The following WASHC4 variants were observed in gnomAD, a reference collection of about 807,000 sequenced individuals.
WASHC4 encodes the protein WASH complex subunit 7.
A neutral mutation model predicts 166.6 loss-of-function variants in WASHC4; 86 were observed. The ratio of observed to expected loss-of-function variants is 0.52; its 90% confidence interval spans 0.43 to 0.62. The LOEUF (loss-of-function observed/expected upper bound fraction) is 0.62, where lower values mean the gene tolerates loss of function less well. Ranked by LOEUF, WASHC4 falls within the 20% of genes least tolerant of loss-of-function variation. WASHC4 has a pLI of 0.00. For synonymous variants in WASHC4, 446 were observed against 451.6 expected (o/e 0.99, Z 0.16); for missense variants, 1,262 against 1,382.4 (o/e 0.91, Z 1.38).
At chr12:105,121,333 A>C in intron 9 of WASHC4, 129 bp downstream of exon 9, 1 of 668,774 alleles carries the variant, frequency 1.5e-6, no homozygotes, top group Non-Finnish European at 2.6e-6. Context: ...GAAGGAGCTC[A>C]TATCAAATAT....
At chr12:105,111,049 T>C in intron 1 of WASHC4, 76 bp from the exon 2 acceptor site, 1 of 1,073,082 alleles carries the variant, frequency 9.3e-7, no homozygotes, top group African/African-American at 1.6e-5. Flanking sequence ...TGCGTGACTT[T>C]TGAGGTTATT....
chr12:105,140,447 GT>G (rs1271759441), intron 16 of WASHC4, 46 bp downstream of exon 16: 1 of 1,371,784 alleles, frequency 7.3e-7, no homozygotes, highest in African/African-American at 1.4e-5. Context: ...TATCTTTTTT[GT>G]TTGTTCTTTC....
In WASHC4 at chr12:105,126,369, ACTT is replaced by A. The variant is rs763346013; in HGVS notation, c.1038+8_1038+10del. The A allele has an allele frequency of 6.4e-7, 1 of 1,551,878 alleles. No individual in the cohort carries two copies. The highest frequency in any genetic ancestry group is 8.9e-7 in the Non-Finnish European group (1 of 1,128,688). On this transcript the variant is annotated splice_region_variant and intron_variant, in intron 12 of 32. Transcript: ENST00000332180. ...ATTGGACATTTGTAAGAAGGTAAGA[ACTT>A]GAAACTTATTTTTCAATTTGAGCAG...
At chr12:105,124,432 G>T (rs1211479525) in intron 10 of WASHC4, among the ~76,000 whole-genome samples, 1 of 151,692 alleles carries the variant, frequency 6.6e-6, no homozygotes, top group Non-Finnish European at 1.5e-5. Context: ...TTTCTGTGAG[G>T]TGTGCCTGTA....
chr12:105,165,687 A>AT (rs1409841977), intron 32 of WASHC4, among the ~76,000 whole-genome samples: 1 of 152,162 alleles, frequency 6.6e-6, no homozygotes, highest in Non-Finnish European at 1.5e-5. Context: ...GAGGTGACTC[A>AT]TTGGGTAGAC....
chr12:105,127,060 G>T lies in WASHC4; in HGVS notation c.1039-69G>T. On this transcript the variant is annotated intron_variant, in intron 12 of 32. Coordinates refer to ENST00000332180, the MANE Select transcript of WASHC4 (RefSeq NM_015275.3). ...TCAGTTGTCTTCCATGTGTATTATAGAACTTTTAAACAGCTTGTTGTTTAG... is the reference window on the plus strand; with the variant it reads ...TCAGTTGTCTTCCATGTGTATTATATAACTTTTAAACAGCTTGTTGTTTAG... The T allele has an allele frequency of 3.7e-6, 5 of 1,334,870 alleles. No homozygotes were observed. In the South Asian group the frequency reaches 5.9e-5, roughly 16 times the overall value. 82.7% of individuals were successfully genotyped at this position (1,334,870 alleles called of 1,614,324 possible).
At chr12:105,141,281 A>G in intron 18 of WASHC4, 35 bp downstream of exon 18, 2 of 1,320,830 alleles carry the variant, frequency 1.5e-6, no homozygotes, top group Non-Finnish European at 2.2e-6. Context: ...GGTACTCCAA[A>G]GACAGGGTTA....
chr12:105,124,365 C>T (rs1881071823), intron 10 of WASHC4, among the ~76,000 whole-genome samples: 1 of 151,960 alleles, frequency 6.6e-6, no homozygotes, highest in Non-Finnish European at 1.5e-5. Context: ...GTGATCTGCC[C>T]ACCTTGGAAA....
At position 105,160,914 on chromosome 12, in the gene WASHC4, C is replaced by T. The variant is rs1248507493; in HGVS notation, c.3060+766C>T. On this transcript the variant is annotated intron_variant, in intron 29 of 32. Transcript: ENST00000332180. ...TTTTAATGCTTCTTAGAGTATGTAA[C>T]GTGTTCTTGCTCTAACTCTGTAGTT... Among the ~76,000 whole-genome samples, 4 of 152,096 alleles carry T rather than the reference C, an allele frequency of 2.6e-5. No individual in the cohort carries two copies. The East Asian group carries it at 5.8e-4, about 22-fold the overall frequency.
intron 30 of WASHC4, among the ~76,000 whole-genome samples, chr12:105,163,371 A>G (rs965304085): frequency 1.3e-5 from 2 of 152,202 alleles, no homozygotes; most frequent in Non-Finnish European, 2.9e-5. Context: ...AGTATTGCTA[A>G]TCACTTGTCC....
chr12:105,143,051 A>G (rs896514937), intron 19 of WASHC4, 76 bp from the exon 20 acceptor site: 5 of 873,702 alleles, frequency 5.7e-6, no homozygotes, highest in Non-Finnish European at 9.6e-6. Flanking sequence ...CTTTCAAGAT[A>G]ATTAACTTTT....
chr12:105,162,876 T>C lies in WASHC4; in HGVS notation c.3157+31T>C. The C allele has an allele frequency of 3.6e-6, 4 of 1,120,348 alleles. 1 individual carries two copies. In the South Asian group the frequency reaches 5.2e-5, roughly 14 times the overall value. 69.4% of individuals were successfully genotyped at this position (1,120,348 alleles called of 1,614,324 possible). A position where few individuals can be genotyped will look rare whatever the true frequency, so the allele number is the denominator to read the frequency against. On this transcript the variant is annotated intron_variant, in intron 30 of 32. Coordinates refer to ENST00000332180, the MANE Select transcript of WASHC4 (RefSeq NM_015275.3). The stretch of plus-strand genomic sequence containing the variant: ...CTTAATGGAATTGTTTTTCCATTAA[T>C]TTTATATTGACCTTGTAATGGATTC...
chr12:105,138,998 T>A (rs950376696), intron 15 of WASHC4, among the ~76,000 whole-genome samples: 1 of 152,226 alleles, frequency 6.6e-6, no homozygotes, highest in Non-Finnish European at 1.5e-5. Context: ...TCCTGAATTT[T>A]ATGTTTATCA....
At chr12:105,154,551 A>G (rs894122376) in intron 26 of WASHC4, among the ~76,000 whole-genome samples, 5 of 152,216 alleles carry the variant, frequency 3.3e-5, no homozygotes, top group Non-Finnish European at 5.9e-5. Flanking sequence ...TTACCACAAC[A>G]TTTATGAAAT....
chr12:105,159,720 G>C (rs1220768199), intron 28 of WASHC4, among the ~76,000 whole-genome samples: 1 of 152,116 alleles, frequency 6.6e-6, no homozygotes, highest in Admixed American at 6.6e-5. Context: ...ACAATGAAGA[G>C]GAGTTCTACA....
chr12:105,147,159 C>G lies in WASHC4; in HGVS notation c.2514+13C>G. 1.3e-6 allele frequency: 2 copies of G among 1,508,442 alleles called. No homozygotes were observed. The highest frequency in any genetic ancestry group is 1.8e-6 in the Non-Finnish European group (2 of 1,083,656). 93.4% of individuals were successfully genotyped at this position (1,508,442 alleles called of 1,614,324 possible). A position where few individuals can be genotyped will look rare whatever the true frequency, so the allele number is the denominator to read the frequency against. The stretch of plus-strand genomic sequence containing the variant: ...TATGAATACAACTGTAAGAACTTTT[C>G]TTTGGGGGTTGAGTGGGTAATAGAC... On this transcript the variant is annotated intron_variant, in intron 24 of 32. Transcript: ENST00000332180.
At chr12:105,124,121 T>C (rs978859985) in intron 10 of WASHC4, among the ~76,000 whole-genome samples, 2 of 151,358 alleles carry the variant, frequency 1.3e-5, no homozygotes, top group African/African-American at 4.8e-5. Flanking sequence ...AATATAACTT[T>C]TTTTTTTTTT....
At chr12:105,144,235 A>G in intron 20 of WASHC4, 52 bp from the exon 21 acceptor site, 1 of 1,447,580 alleles carries the variant, frequency 6.9e-7, no homozygotes, top group Non-Finnish European at 9.7e-7. Flanking sequence ...GGGAAACAAT[A>G]CAATTGCAAT....
At chr12:105,125,396 G>C (rs1489201668) in intron 10 of WASHC4, among the ~76,000 whole-genome samples, 1 of 147,064 alleles carries the variant, frequency 6.8e-6, no homozygotes, top group East Asian at 2.0e-4. Context: ...ATCTATTTAT[G>C]TGTTAATTGA....
Sources: allele counts gnomAD v4.1 joint callset (sites outside exome capture counted in the v4.1 genomes callset), GRCh38; gene constraint gnomAD v4.1.1; transcripts MANE v1.5; gene names NCBI Gene and HGNC (gene_info 2026-07-23, HGNC 2026-07-21).